The following IL5RA variants were observed in gnomAD, a reference collection of about 807,000 sequenced individuals.
IL5RA encodes interleukin-5 receptor subunit alpha.
Under a neutral mutation model 50.0 loss-of-function variants are expected in IL5RA, and 49 were observed. The observed-to-expected ratio is 0.98, with a 90% confidence interval of 0.78 to 1.24. The LOEUF is 1.24. Among genes scored for constraint, IL5RA ranks in the 50% most tolerant of loss-of-function variants. IL5RA has a pLI of 0.00. For missense variants in IL5RA, 600 were observed against 500.4 expected, an observed-to-expected ratio of 1.20 and a Z score of -1.90; for synonymous variants, 202 against 174.0, an observed-to-expected ratio of 1.16 and a Z score of -1.26.
rs150782568 is a variant in IL5RA, at chr3:3,091,710, C to T, written c.994+514G>A. 1,394 of 152,848 alleles carry T rather than the reference C, an allele frequency of 9.1e-3. 7 individuals are homozygous for T. The highest frequency in any genetic ancestry group is 0.013 in the Non-Finnish European group (859 of 68,700). 9.5% of individuals were successfully genotyped at this position (152,848 alleles called of 1,614,324 possible). On this transcript the variant is annotated intron_variant, in intron 9 of 11. Transcript: ENST00000446632. The stretch of plus-strand genomic sequence containing the variant: ...TGGCGCCACTGCACTCCAGCCAGGG[C>T]GACAGAGCAAGACTCTGTCCAAAAA...
At position 3,070,165 on chromosome 3, in the gene IL5RA, G is replaced by C; in HGVS notation, c.*60C>G. 2 of 1,107,150 alleles carry C rather than the reference G, an allele frequency of 1.8e-6. No individual in the cohort carries two copies. Among genetic ancestry groups the C allele is most frequent in the Admixed American group, 3.9e-5 (2 of 51,726 alleles). The allele number at this position is 1,107,150 out of a possible 1,614,324, so 68.6% of individuals were successfully genotyped here. A position where few individuals can be genotyped will look rare whatever the true frequency, so the allele number is the denominator to read the frequency against. On this transcript the variant is annotated 3_prime_UTR_variant, in exon 12 of 12. Transcript: ENST00000446632. Reference sequence around the variant, plus strand: ...CTCTTAGCCAAGAGCCAGCATCCCTGTTCTTTTCACTGAGGCACTGAGGCA... The same window carrying C: ...CTCTTAGCCAAGAGCCAGCATCCCTCTTCTTTTCACTGAGGCACTGAGGCA...
At chr3:3,100,183 C>A (rs1005010548) in intron 5 of IL5RA, among the ~76,000 whole-genome samples, 4 of 151,886 alleles carry the variant, frequency 2.6e-5, no homozygotes, top group African/African-American at 9.7e-5. Context: ...CAAGTGGGAG[C>A]CTTGAGAGAT....
At chr3:3,072,625 TA>T (rs1702340268) in intron 11 of IL5RA, among the ~76,000 whole-genome samples, 1 of 152,142 alleles carries the variant, frequency 6.6e-6, no homozygotes, top group Non-Finnish European at 1.5e-5. Context: ...GTTGGCTGCT[TA>T]AACTAGATGT....
intron 7 of IL5RA, among the ~76,000 whole-genome samples, 154 bp downstream of exon 7, chr3:3,097,716 A>C (rs919828347): frequency 6.6e-6 from 1 of 152,190 alleles, no homozygotes; most frequent in African/African-American, 2.4e-5. Flanking sequence ...GTGGTGTTGG[A>C]ATGGAGAACC....
chr3:3,072,572 A>G (rs981535646), intron 11 of IL5RA, among the ~76,000 whole-genome samples: 2 of 152,220 alleles, frequency 1.3e-5, no homozygotes, highest in Admixed American at 6.5e-5. Context: ...ATTAGATACC[A>G]GCATTAAGAT....
chr3:3,102,410 T>TG (rs1449012156), intron 4 of IL5RA, among the ~76,000 whole-genome samples: 1 of 152,212 alleles, frequency 6.6e-6, no homozygotes, highest in Non-Finnish European at 1.5e-5. Flanking sequence ...ACCCAATCCA[T>TG]GGTGCCTAAA....
intron 2 of IL5RA, among the ~76,000 whole-genome samples, chr3:3,107,857 G>A (rs761422630): frequency 1.3e-5 from 2 of 152,218 alleles, no homozygotes; most frequent in Admixed American, 6.5e-5. Flanking sequence ...ACAATTAGCA[G>A]TGGATTTCCC....
At position 3,074,838 on chromosome 3, in the gene IL5RA, G is replaced by A. The variant is rs745723647; in HGVS notation, c.1120C>T (p.Pro374Ser). 1.2e-6 allele frequency: 2 copies of A among 1,609,988 alleles called. No individual in the cohort carries two copies. Among genetic ancestry groups the A allele is most frequent in the East Asian group, 2.2e-5 (1 of 44,868 alleles). The change falls in exon 11 of 12, where the codon CCA (proline) becomes TCA (serine). Residue 374 changes from proline to serine, a missense_variant. Transcript: ENST00000446632. Reference sequence around the variant, plus strand: ...ATATTACTTTTTGGTGCTGGAATTGGTGGAAACAACTTGATCCATAAATGA... The same window carrying A: ...ATATTACTTTTTGGTGCTGGAATTGATGGAAACAACTTGATCCATAAATGA... ...ICHLWIKLFPPIPAPKSNIKD... is the reference protein window; with the variant it reads ...ICHLWIKLFPSIPAPKSNIKD...
intron 10 of IL5RA, 60 bp from the exon 11 acceptor site, chr3:3,074,926 T>C: frequency 2.9e-6 from 3 of 1,033,634 alleles, no homozygotes; most frequent in Non-Finnish European, 4.5e-6. Context: ...TCTCTAAATA[T>C]CTACTCTAAA....
chr3:3,097,810 C>A (rs1703433454), intron 7 of IL5RA, 60 bp downstream of exon 7: 4 of 1,536,738 alleles, frequency 2.6e-6, no homozygotes, highest in Non-Finnish European at 3.5e-6. Flanking sequence ...TATAACCCTT[C>A]CTTCCAGTGC....
chr3:3,073,734 A>G, intron 11 of IL5RA: 1 of 436,900 alleles, frequency 2.3e-6, no homozygotes, highest in East Asian at 7.2e-5. Context: ...AAATTAACTG[A>G]CAACTCAACA....
chr3:3,098,210 G>C lies in IL5RA; in HGVS notation c.448C>G (p.Gln150Glu), dbSNP rs1002526875. ...AGCCAGGTGCAGTGAAGGGAAACTTGGTATGACCTTAAACGTGAATAATTG... is the reference window on the plus strand; with the variant it reads ...AGCCAGGTGCAGTGAAGGGAAACTTCGTATGACCTTAAACGTGAATAATTG... ...EDNYSRLRSYQVSLHCTWLVG... is the reference protein window; with the variant it reads ...EDNYSRLRSYEVSLHCTWLVG... The change falls in exon 6 of 12, where the codon CAA (glutamine) becomes GAA (glutamate). Residue 150 changes from glutamine (Q) to glutamate (E), a missense_variant. Transcript: ENST00000446632. 3 of 1,613,896 alleles carry C rather than the reference G, an allele frequency of 1.9e-6. No homozygotes were observed. The highest frequency in any genetic ancestry group is 2.7e-5 in the African/African-American group (2 of 74,870).
chr3:3,078,127 G>A (rs967745095), intron 9 of IL5RA, among the ~76,000 whole-genome samples: 6 of 152,176 alleles, frequency 3.9e-5, no homozygotes, highest in African/African-American at 1.4e-4. Flanking sequence ...AAATACTGTG[G>A]TGAGATTTCA....
At chr3:3,093,079 A>T (rs994263843) in intron 8 of IL5RA, among the ~76,000 whole-genome samples, 2 of 152,204 alleles carry the variant, frequency 1.3e-5, no homozygotes, top group African/African-American at 4.8e-5. Flanking sequence ...TCTATTGTGT[A>T]AAACTCTTCA....
intron 5 of IL5RA, among the ~76,000 whole-genome samples, chr3:3,100,364 AAAG>A (rs1340268346): frequency 3.3e-5 from 5 of 151,690 alleles, no homozygotes; most frequent in African/African-American, 1.2e-4. Context: ...GCACAGACAA[AAAG>A]AAGAACTACC....
intron 11 of IL5RA, among the ~76,000 whole-genome samples, chr3:3,070,788 G>A (rs1201564140): frequency 6.6e-6 from 1 of 151,648 alleles, no homozygotes; most frequent in East Asian, 1.9e-4. Flanking sequence ...TCACCATGTT[G>A]GCCAGGCTGG....
At chr3:3,098,780 T>C (rs1703487504) in intron 5 of IL5RA, among the ~76,000 whole-genome samples, 1 of 152,144 alleles carries the variant, frequency 6.6e-6, no homozygotes, top group South Asian at 2.1e-4. Flanking sequence ...AATTATAAAG[T>C]CCCCATTTCT....
intron 2 of IL5RA, among the ~76,000 whole-genome samples, chr3:3,106,573 G>A (rs1575014195): frequency 1.3e-5 from 2 of 151,832 alleles, no homozygotes; most frequent in Admixed American, 6.6e-5. Flanking sequence ...AAAATGAAAC[G>A]ATGACGATGA....
At chr3:3,104,253 G>A (rs1260692587) in intron 3 of IL5RA, among the ~76,000 whole-genome samples, 1 of 152,084 alleles carries the variant, frequency 6.6e-6, no homozygotes, top group Non-Finnish European at 1.5e-5. Context: ...TAGCCAGGTG[G>A]GTCTCAAACT....
Sources: allele counts gnomAD v4.1 joint callset (sites outside exome capture counted in the v4.1 genomes callset), GRCh38; gene constraint gnomAD v4.1.1; transcripts MANE v1.5; gene names NCBI Gene and HGNC (gene_info 2026-07-23, HGNC 2026-07-21).